The following RAET1E variants were observed in gnomAD, a reference collection of about 807,000 sequenced individuals.
RAET1E encodes retinoic acid early transcript 1E, also known as NKG2D ligand 4.
RAET1E carries 27 observed loss-of-function variants against 21.1 expected under a neutral mutation model. That is an observed-to-expected ratio of 1.28 (90% CI 0.94 to 1.76). The LOEUF is 1.76. Among genes scored for constraint, RAET1E ranks in the 40% most tolerant of loss-of-function variants. The pLI is 0.00. For synonymous variants in RAET1E, 113 were observed against 115.0 expected, an observed-to-expected ratio of 0.98 and a Z score of 0.11; for missense variants, 310 against 311.3, an observed-to-expected ratio of 1.00 and a Z score of 0.03.
rs78077836 is a variant in RAET1E at position 149,897,298 on chromosome 6, G to A, written c.-321+723C>T. On this transcript the variant is annotated intron_variant, in intron 1 of 5. Transcript: ENST00000357183. ...AATCCTCCCCCCTCAGCCTCCCAAA[G>A]TGTTGGGATTACAGGAGTGAGCCAC... 5.7e-3 allele frequency among the ~76,000 whole-genome samples: 864 copies of A among 152,204 alleles called. 8 individuals are homozygous for A. Among genetic ancestry groups the A allele is most frequent in the African/African-American group, 0.02 (828 of 41,530 alleles).
chr6:149,888,692 A>ATAAAAG, intron 5 of RAET1E, 25 bp from the exon 6 acceptor site: 2 of 1,468,468 alleles, frequency 1.4e-6, no homozygotes, highest in Non-Finnish European at 1.8e-6. Context: ...AAAAAGAAAA[A>ATAAAAG]AAAGCACAAG....
In RAET1E at chr6:149,889,607, T is replaced by G; in HGVS notation, c.363A>C (p.Gln121His). 7 of 1,614,172 alleles carry G rather than the reference T, an allele frequency of 4.3e-6. No homozygotes were observed. Among genetic ancestry groups the G allele is most frequent in the African/African-American group, 1.3e-5 (1 of 75,056 alleles). ...CTTCACGTTGACAAAACATCTCGAC[T>G]TGCAGAGTGGAAGGATCTGCAATCC... ...QIKTSDPSTL[Q>H]VEMFCQREAE... The change falls in exon 5 of 6, where the codon CAA becomes CAC. Residue 121 changes from glutamine to histidine, a missense_variant. Physicochemically the swap from Gln to His is conservative, Grantham distance 24. Transcript: ENST00000357183.
chr6:149,892,807 C>T lies in RAET1E; in HGVS notation c.-133-1773G>A, dbSNP rs191537672. Among the ~76,000 whole-genome samples, 647 of 152,142 alleles carry T rather than the reference C, an allele frequency of 4.3e-3. 6 individuals carry two copies. Among genetic ancestry groups the T allele is most frequent in the African/African-American group, 0.013 (548 of 41,468 alleles). ...TGCCTATATCCCGAATGGTATTGCC[C>T]GGGTTTTCTTCTAGGATTTTTATGG... On this transcript the variant is annotated intron_variant, in intron 2 of 5. Coordinates refer to ENST00000357183, the MANE Select transcript of RAET1E (RefSeq NM_001394057.1).
At chr6:149,892,030 T>C (rs1006821003) in intron 2 of RAET1E, among the ~76,000 whole-genome samples, 2 of 152,204 alleles carry the variant, frequency 1.3e-5, no homozygotes, top group Non-Finnish European at 2.9e-5. Context: ...TTTCCAGCTT[T>C]ATCCACGTCC....
intron 3 of RAET1E, 129 bp from the exon 4 acceptor site, chr6:149,890,274 C>T: frequency 3.3e-6 from 3 of 916,018 alleles, no homozygotes; most frequent in Admixed American, 2.5e-5. Flanking sequence ...TCCCAGACTC[C>T]CTCAACCTTC....
rs1777870869 is a variant in RAET1E at position 149,891,017 on chromosome 6, G to T, written c.-116C>A. The T allele has an allele frequency of 2.8e-6, 2 of 724,532 alleles. No homozygotes were observed. The highest frequency in any genetic ancestry group is 3.2e-5 in the South Asian group (2 of 61,830). 44.9% of individuals were successfully genotyped at this position (724,532 alleles called of 1,614,324 possible). A position where few individuals can be genotyped will look rare whatever the true frequency, so the allele number is the denominator to read the frequency against. On this transcript the variant is annotated 5_prime_UTR_variant, in exon 3 of 6. Coordinates refer to ENST00000357183, the MANE Select transcript of RAET1E (RefSeq NM_001394057.1). ...GGCACTGCCCAAATTCTTTACCCTGGAACAACTGAGGTCAGGCCTGTAGAG... is the reference window on the plus strand; with the variant it reads ...GGCACTGCCCAAATTCTTTACCCTGTAACAACTGAGGTCAGGCCTGTAGAG...
At chr6:149,892,469 C>T (rs1244352531) in intron 2 of RAET1E, among the ~76,000 whole-genome samples, 1 of 152,216 alleles carries the variant, frequency 6.6e-6, no homozygotes, top group Admixed American at 6.5e-5. Context: ...TGATGATGAG[C>T]ATTTTTTCAT....
intron 2 of RAET1E, among the ~76,000 whole-genome samples, chr6:149,891,477 A>C (rs1392282079): frequency 7.8e-6 from 1 of 128,184 alleles, no homozygotes; most frequent in Admixed American, 7.8e-5. Context: ...ACCATGACAG[A>C]TGGGTTTTGT....
chr6:149,893,942 T>G (rs1778011522), intron 2 of RAET1E, among the ~76,000 whole-genome samples: 1 of 152,254 alleles, frequency 6.6e-6, no homozygotes, highest in Non-Finnish European at 1.5e-5. Context: ...AGTTCTTTTC[T>G]GCATCTATTG....
chr6:149,884,927 T>C lies in RAET1E; in HGVS notation c.*3571A>G, dbSNP rs1211301842. On this transcript the variant is annotated 3_prime_UTR_variant, in exon 6 of 6. Coordinates refer to ENST00000357183, the MANE Select transcript of RAET1E (RefSeq NM_001394057.1). ...TCAAAGGAATCCCACCTTCTAGTCC[T>C]TGCTGTCCTCACAGAGTGTCTAGGG... Among the ~76,000 whole-genome samples, 3 of 152,162 alleles carry C rather than the reference T, an allele frequency of 2.0e-5. No individual in the cohort carries two copies. Among genetic ancestry groups the C allele is most frequent in the African/African-American group, 7.2e-5 (3 of 41,432 alleles).
At position 149,890,987 on chromosome 6, in the gene RAET1E, G is replaced by A. The variant is rs967814266; in HGVS notation, c.-86C>T. The A allele has an allele frequency of 1.0e-5, 10 of 971,660 alleles. No homozygotes were observed. The highest frequency in any genetic ancestry group is 1.6e-5 in the Non-Finnish European group (10 of 613,894). The allele number at this position is 971,660 out of a possible 1,614,324, so 60.2% of individuals were successfully genotyped here. On this transcript the variant is annotated 5_prime_UTR_variant, in exon 3 of 6. Transcript: ENST00000357183. Reference sequence around the variant, plus strand: ...GAAGAAATGTTATCCAACAGCGTGGGTGTGGGCACTGCCCAAATTCTTTAC... The same window carrying A: ...GAAGAAATGTTATCCAACAGCGTGGATGTGGGCACTGCCCAAATTCTTTAC...
chr6:149,889,071 A>G, intron 5 of RAET1E: 1 of 1,389,198 alleles, frequency 7.2e-7, no homozygotes, highest in Admixed American at 3.1e-5. Flanking sequence ...GATGTTTGCA[A>G]TGACACAGAT....
At chr6:149,896,470 C>T (rs998549910) in intron 1 of RAET1E, among the ~76,000 whole-genome samples, 2 of 152,294 alleles carry the variant, frequency 1.3e-5, no homozygotes, top group Admixed American at 1.3e-4. Context: ...TGAGGGTGCA[C>T]TTCCACCTCT....
At chr6:149,888,689 A>AT in intron 5 of RAET1E, 22 bp from the exon 6 acceptor site, 2 of 1,542,820 alleles carry the variant, frequency 1.3e-6, no homozygotes, top group Admixed American at 2.2e-5. Context: ...AAAAAAAAGA[A>AT]AAAAAAGCAC....
rs1250908065 is a variant in RAET1E at position 149,886,788 on chromosome 6, T to C, written c.*1710A>G. On this transcript the variant is annotated 3_prime_UTR_variant, in exon 6 of 6. Transcript: ENST00000357183. ...CCTGTCAACCCCTTTGCTCTGTCAT[T>C]TAGCTTTGATCAGCTTTTTCTCTCT... Among the ~76,000 whole-genome samples the C allele has an allele frequency of 6.6e-6, 1 of 152,218 alleles. No homozygotes were observed. Among genetic ancestry groups the C allele is most frequent in the Non-Finnish European group, 1.5e-5 (1 of 68,034 alleles).
Position 149,884,380 on chromosome 6 carries a change from T to G in RAET1E, c.*4118A>C. The G allele has an allele frequency of 9.5e-7, 1 of 1,048,324 alleles. No homozygotes were observed. The highest frequency in any genetic ancestry group is 1.4e-6 in the Non-Finnish European group (1 of 704,854). The allele number at this position is 1,048,324 out of a possible 1,614,324, so 64.9% of individuals were successfully genotyped here. A position where few individuals can be genotyped will look rare whatever the true frequency, so the allele number is the denominator to read the frequency against. Reference sequence around the variant, plus strand: ...ATGCAGAGGCGCGATCTCCGCTCATTGCAGGCTCCGCCTCCACTTGACTCA... The same window carrying G: ...ATGCAGAGGCGCGATCTCCGCTCATGGCAGGCTCCGCCTCCACTTGACTCA... On this transcript the variant is annotated 3_prime_UTR_variant, in exon 6 of 6. Coordinates refer to ENST00000357183, the MANE Select transcript of RAET1E (RefSeq NM_001394057.1).
At position 149,884,364 on chromosome 6, in the gene RAET1E, C is replaced by T; in HGVS notation, c.*4134G>A. The T allele has an allele frequency of 3.3e-6, 3 of 903,740 alleles. No individual in the cohort carries two copies. The highest frequency in any genetic ancestry group is 5.2e-6 in the Non-Finnish European group (3 of 578,888). The allele number at this position is 903,740 out of a possible 1,614,324, so 56.0% of individuals were successfully genotyped here. A position where few individuals can be genotyped will look rare whatever the true frequency, so the allele number is the denominator to read the frequency against. On this transcript the variant is annotated 3_prime_UTR_variant, in exon 6 of 6. Transcript: ENST00000357183. ...TGTTGCCAAGACTGGAATGCAGAGG[C>T]GCGATCTCCGCTCATTGCAGGCTCC...
rs1336379977 is a variant in RAET1E at position 149,888,520 on chromosome 6, A to G, written c.770T>C (p.Leu257Pro). Residue 257 changes from leucine (L) to proline (P), a missense_variant, in exon 6 of 6, where the codon CTC becomes CCC. Physicochemically the swap from Leu to Pro is moderately conservative, Grantham distance 98. Coordinates refer to ENST00000357183, the MANE Select transcript of RAET1E (RefSeq NM_001394057.1). ...WWQNGEWQAGLWPLRTS is the reference protein window; with the variant it reads ...WWQNGEWQAGPWPLRTS ...AGACTAAGACGTCCTCAAGGGCCAG[A>G]GACCAGCCTGCCACTCACCATTTTG... is the stretch of plus-strand genomic sequence containing the variant. The G allele has an allele frequency of 6.2e-7, 1 of 1,613,608 alleles. No homozygotes were observed. Among genetic ancestry groups the G allele is most frequent in the East Asian group, 2.2e-5 (1 of 44,872 alleles).
chr6:149,889,287 C>T, intron 5 of RAET1E, 61 bp downstream of exon 5: 1 of 1,592,328 alleles, frequency 6.3e-7, no homozygotes, highest in Non-Finnish European at 8.5e-7. Flanking sequence ...CTGACACCCA[C>T]ACAGGGAAGG....
Sources: gnomAD v4.1 joint callset for allele counts (sites outside exome capture counted in the v4.1 genomes callset) on GRCh38, gnomAD v4.1.1 for gene constraint, MANE v1.5 for transcripts, NCBI Gene and HGNC (gene_info 2026-07-23, HGNC 2026-07-21) for gene names.